The following PTCD3 variants were observed in gnomAD, a reference collection of about 807,000 sequenced individuals.
The protein encoded by PTCD3 is pentatricopeptide repeat domain 3, also known as small ribosomal subunit protein mS39.
PTCD3 carries 89 observed loss-of-function variants against 101.9 expected under a neutral mutation model. The observed-to-expected ratio is 0.87, with a 90% CI of 0.74 to 1.04. PTCD3 has a LOEUF of 1.04. PTCD3 is among the 50% of genes least tolerant of loss of function. The pLI is 0.00. For missense variants in PTCD3, 870 were observed against 828.2 expected, an observed-to-expected ratio of 1.05 and a Z score of -0.62; for synonymous variants, 296 against 278.5, an observed-to-expected ratio of 1.06 and a Z score of -0.63.
In PTCD3 at chr2:86,119,368, T is replaced by A. The variant is rs540999961; in HGVS notation, c.538+324T>A. Among the ~76,000 whole-genome samples the A allele has an allele frequency of 3.4e-3, 519 of 151,966 alleles. 5 individuals carry two copies. Among genetic ancestry groups the A allele is most frequent in the African/African-American group, 0.012 (481 of 41,428 alleles). On this transcript the variant is annotated intron_variant, in intron 7 of 23. Coordinates refer to ENST00000254630, the MANE Select transcript of PTCD3 (RefSeq NM_017952.6). ...TTTCCTGTACCCTTTTCCTTTTTTTTTTTTTTGAGATGGAGTCTTGCTCTG... is the reference window on the plus strand; with the variant it reads ...TTTCCTGTACCCTTTTCCTTTTTTTATTTTTTGAGATGGAGTCTTGCTCTG...
chr2:86,112,049 T>C, intron 4 of PTCD3: 1 of 150,138 alleles, frequency 6.7e-6, no homozygotes, highest in Non-Finnish European at 1.5e-5. Flanking sequence ...AAACTTTTTT[T>C]TTTTTTTTTT....
chr2:86,137,546 G>A lies in PTCD3; in HGVS notation c.2057G>A (p.Ser686Asn). The A allele has an allele frequency of 6.2e-7, 1 of 1,608,842 alleles. No homozygotes were observed. Among genetic ancestry groups the A allele is most frequent in the African/African-American group, 1.4e-5 (1 of 73,340 alleles). Residue 686 changes from serine (S) to asparagine (N), a missense_variant, in exon 24 of 24, where the codon AGT becomes AAT. Ser to Asn is a conservative substitution (Grantham distance 46). Transcript: ENST00000254630. Reference protein sequence around the residue: ...DSSSDSDSDTSEGK With the variant: ...DSSSDSDSDTNEGK The stretch of plus-strand genomic sequence containing the variant: ...AGCAGTGACAGCGACAGTGACACCA[G>A]TGAAGGCAAATGAAAGTGGAGATTC...
At chr2:86,117,984 C>T (rs945943548) in intron 6 of PTCD3, among the ~76,000 whole-genome samples, 2 of 152,116 alleles carry the variant, frequency 1.3e-5, no homozygotes, top group African/African-American at 4.8e-5. Flanking sequence ...ACCATCTTGG[C>T]CAGGCTGGTC....
intron 9 of PTCD3, among the ~76,000 whole-genome samples, chr2:86,124,485 C>T (rs138564681): frequency 0.018 from 2,750 of 152,180 alleles, 29 homozygotes; most frequent in Non-Finnish European, 0.029. Flanking sequence ...ATTAGCTAGG[C>T]GTGGTGGCAC....
At position 86,106,277 on chromosome 2, in the gene PTCD3, G is replaced by GGGCCTCCGCAGCAGGCTT. The variant is rs749173570; in HGVS notation, c.35_52dup (p.Leu12_Gly17dup). On this transcript the variant is annotated inframe_insertion, in exon 1 of 24. Coordinates refer to ENST00000254630, the MANE Select transcript of PTCD3 (RefSeq NM_017952.6). ...CGGTTGTATCTGCTGTTCGCTGGCT[G>GGGCCTCCGCAGCAGGCTT]GGCCTCCGCAGCAGGCTTGGCCAGC... is the stretch of plus-strand genomic sequence containing the variant. 6.2e-7 allele frequency: 1 copy of GGGCCTCCGCAGCAGGCTT among 1,613,820 alleles called. No individual in the cohort carries two copies. The highest frequency in any genetic ancestry group is 8.5e-7 in the Non-Finnish European group (1 of 1,179,984).
Position 86,129,643 on chromosome 2 carries a change from A to G in PTCD3, c.1148-1005A>G, listed in dbSNP as rs79069372. ...GGTGACAGAGCAAGACCCTGTCTCA[A>G]TAGTAATAATAATTTCTAGGAATTT... On this transcript the variant is annotated intron_variant, in intron 14 of 23. Transcript: ENST00000254630. 9.5e-3 allele frequency among the ~76,000 whole-genome samples: 1,449 copies of G among 152,322 alleles called. 20 individuals carry two copies. The highest frequency in any genetic ancestry group is 0.033 in the African/African-American group (1,370 of 41,568).
At chr2:86,116,379 T>G in intron 4 of PTCD3, 151 bp from the exon 5 acceptor site, 1 of 604,474 alleles carries the variant, frequency 1.7e-6, no homozygotes, top group Non-Finnish European at 2.9e-6. Context: ...CTGCAAAAAA[T>G]TTTGTGAAAT....
intron 15 of PTCD3, 68 bp from the exon 16 acceptor site, chr2:86,131,010 T>C (rs1674485777): frequency 6.6e-7 from 1 of 1,510,956 alleles, no homozygotes; most frequent in Non-Finnish European, 9.0e-7. Flanking sequence ...GGATTTTTGT[T>C]AATGTTACTG....
chr2:86,108,858 A>G lies in PTCD3; in HGVS notation c.194+322A>G, dbSNP rs1339815942. 1.9e-5 allele frequency: 5 copies of G among 256,974 alleles called. No homozygotes were observed. In the East Asian group the frequency reaches 3.6e-4, roughly 19 times the overall value. 15.9% of individuals were successfully genotyped at this position (256,974 alleles called of 1,614,324 possible). ...TAATTTTTTTCAAGGAAGTTCTCTC[A>G]TATGATTCAAGAGCAGACAGTTACT... On this transcript the variant is annotated intron_variant, in intron 3 of 23. Coordinates refer to ENST00000254630, the MANE Select transcript of PTCD3 (RefSeq NM_017952.6).
chr2:86,123,135 G>A (rs905607538), intron 8 of PTCD3, among the ~76,000 whole-genome samples: 1 of 151,940 alleles, frequency 6.6e-6, no homozygotes, highest in African/African-American at 2.4e-5. Context: ...GGTGGCACGC[G>A]CCTGTAGTCC....
intron 4 of PTCD3, among the ~76,000 whole-genome samples, chr2:86,111,534 G>A (rs1674083882): frequency 6.6e-6 from 1 of 151,920 alleles, no homozygotes; most frequent in Admixed American, 6.5e-5. Flanking sequence ...CTTGCAGTGA[G>A]GAGAGATCGC....
chr2:86,136,823 T>C, intron 22 of PTCD3, 159 bp from the exon 23 acceptor site: 3 of 1,029,950 alleles, frequency 2.9e-6, no homozygotes, highest in Non-Finnish European at 4.4e-6. Flanking sequence ...CTTTAGACTT[T>C]CTAACCTCAC....
rs754088773 is a variant in PTCD3 at position 86,108,427 on chromosome 2, C to A, written c.157+25C>A. 1.2e-5 allele frequency: 19 copies of A among 1,595,036 alleles called. No homozygotes were observed. The South Asian group carries it at 1.9e-4, about 16-fold the overall frequency. On this transcript the variant is annotated intron_variant, in intron 2 of 23. Transcript: ENST00000254630. ...GGTATATTTTAAAATATATTGAATT[C>A]TATTTTTATATCAACACGTTGGATT...
rs1674334347 is a variant in PTCD3, at chr2:86,123,699, A to G, written c.655-2A>G. ...ATTTCTTTTGATGATTATTCATTTC[A>G]GGAAGAGGAAAATGATGAGACATCT... On this transcript the variant is annotated splice_acceptor_variant, in intron 8 of 23. Coordinates refer to ENST00000254630, the MANE Select transcript of PTCD3 (RefSeq NM_017952.6). LOFTEE classifies it high-confidence loss of function. 1 of 1,587,656 alleles carries G rather than the reference A, an allele frequency of 6.3e-7. No homozygotes were observed. The highest frequency in any genetic ancestry group is 8.6e-7 in the Non-Finnish European group (1 of 1,168,900).
rs776987885 is a variant in PTCD3 at position 86,127,316 on chromosome 2, G to A, written c.1096+11G>A. On this transcript the variant is annotated intron_variant, in intron 13 of 23. Transcript: ENST00000254630. ...AAGCCATTGGAATAGGTGAGGATGC[G>A]CCCTTGAGTTCTCTGAGGACAGAGA... is the stretch of plus-strand genomic sequence containing the variant. The A allele has an allele frequency of 2.5e-6, 4 of 1,611,938 alleles. No homozygotes were observed. The highest frequency in any genetic ancestry group is 3.4e-6 in the Non-Finnish European group (4 of 1,178,994).
intron 8 of PTCD3, 44 bp from the exon 9 acceptor site, chr2:86,123,657 C>G (rs964550324): frequency 2.1e-6 from 3 of 1,430,826 alleles, no homozygotes; most frequent in Non-Finnish European, 9.6e-7. Flanking sequence ...GAAATGCATT[C>G]CATTGCCTTA....
chr2:86,119,391 C>T (rs1359245403), intron 7 of PTCD3, among the ~76,000 whole-genome samples: 1 of 148,166 alleles, frequency 6.7e-6, no homozygotes, highest in Non-Finnish European at 1.5e-5. Context: ...GAGTCTTGCT[C>T]TGTCGCCCAG....
In PTCD3 at chr2:86,130,979, A is replaced by C. The variant is rs77829242; in HGVS notation, c.1238-99A>C. 7.5e-3 allele frequency: 10,496 copies of C among 1,404,660 alleles called. 429 individuals are homozygous for C. The African/African-American group carries it at 0.1, about 13-fold the overall frequency. 87.0% of individuals were successfully genotyped at this position (1,404,660 alleles called of 1,614,324 possible). ...TTTTATGTTCTTAGCTTTATCTTGC[A>C]TGTTACCAGTTTTGTTGGCAGGATT... On this transcript the variant is annotated intron_variant, in intron 15 of 23. Coordinates refer to ENST00000254630, the MANE Select transcript of PTCD3 (RefSeq NM_017952.6).
At position 86,111,158 on chromosome 2, in the gene PTCD3, G is replaced by A. The variant is rs943008740; in HGVS notation, c.240G>A (p.Arg80=). ...VLQALASTVN[R]DTTAVPYVFQ... ...AGGCACTTGCATCCACAGTAAACAG[G>A]GTAAGTAGGATTTTGTGTTTTTTTT... Residue 80 remains arginine, a splice_region_variant and synonymous_variant, in exon 4 of 24, where the codon AGG becomes AGA. Transcript: ENST00000254630. 3.1e-6 allele frequency: 5 copies of A among 1,612,196 alleles called. No individual in the cohort carries two copies. The African/African-American group carries it at 5.3e-5, about 17-fold the overall frequency.
Sources: allele counts gnomAD v4.1 joint callset (sites outside exome capture counted in the v4.1 genomes callset), GRCh38; gene constraint gnomAD v4.1.1; transcripts MANE v1.5; gene names NCBI Gene and HGNC (gene_info 2026-07-23, HGNC 2026-07-21).